The following PKD1L1 variants were observed in gnomAD, a reference collection of about 807,000 sequenced individuals.
The protein encoded by PKD1L1 is polycystin-1-like protein 1.
PKD1L1 carries 236 observed loss-of-function variants against 323.4 expected under a neutral mutation model. The observed-to-expected ratio is 0.73, with a 90% CI of 0.66 to 0.81. The LOEUF (loss-of-function observed/expected upper bound fraction) is 0.81, where lower values mean the gene tolerates loss of function less well. Ranked by LOEUF, PKD1L1 falls within the 40% of genes least tolerant of loss-of-function variation. The pLI, the probability that PKD1L1 is intolerant of heterozygous loss-of-function variation, is 0.00. For missense variants in PKD1L1, 3,320 were observed against 3,508.0 expected (o/e 0.95, Z 1.35); for synonymous variants, 1,344 against 1,335.0 (o/e 1.01, Z -0.15).
chr7:47,838,446 A>C (rs2128737300), intron 36 of PKD1L1, among the ~76,000 whole-genome samples: 1 of 152,370 alleles, frequency 6.6e-6, no homozygotes, highest in East Asian at 1.9e-4. Context: ...CAATGTTGTC[A>C]TTACCATAAT....
chr7:47,775,091 G>A lies in PKD1L1; in HGVS notation c.*52C>T. ...GGATGTCTGCTAAAATTGGCTGTTG[G>A]GTGGGTTAAGCAAAACAGGGTCCAT... On this transcript the variant is annotated 3_prime_UTR_variant, in exon 57 of 57. Transcript: ENST00000289672. The A allele has an allele frequency of 1.3e-6, 2 of 1,593,488 alleles. No individual in the cohort carries two copies. Among genetic ancestry groups the A allele is most frequent in the Non-Finnish European group, 1.7e-6 (2 of 1,168,482 alleles).
At chr7:47,958,780 G>GCCCTCTCCCTCT in the PKD1L1 span, among the ~76,000 whole-genome samples, 4 of 151,808 alleles carry the variant, frequency 2.6e-5, no homozygotes, top group Non-Finnish European at 4.4e-5. Flanking sequence ...ATGGTCAAAA[G>GCCCTCTCCCTCT]CCCTCTCCCT....
chr7:47,918,556 C>G (rs1481572312), intron 7 of PKD1L1, among the ~76,000 whole-genome samples: 1 of 151,934 alleles, frequency 6.6e-6, no homozygotes, highest in Non-Finnish European at 1.5e-5. Context: ...CCAACATACG[C>G]AGAATATACA....
chr7:47,839,831 C>T lies in PKD1L1; in HGVS notation c.5553-169G>A, dbSNP rs1489258437. On this transcript the variant is annotated intron_variant, in intron 35 of 56. Coordinates refer to ENST00000289672, the MANE Select transcript of PKD1L1 (RefSeq NM_138295.5). This position sits in a 1 kb window ranked among gnomAD's most constrained non-coding sequence, Gnocchi z 4.3. ...ACATGTGAAGCCCCCTGGAACCCGG[C>T]CAGAGGATGGGAAATCCCACCGAGC... Among the ~76,000 whole-genome samples the T allele has an allele frequency of 6.6e-6, 1 of 152,146 alleles. No homozygotes were observed. Among genetic ancestry groups the T allele is most frequent in the African/African-American group, 2.4e-5 (1 of 41,428 alleles).
chr7:47,852,817 C>A (rs1785810679), intron 31 of PKD1L1, among the ~76,000 whole-genome samples: 1 of 152,042 alleles, frequency 6.6e-6, no homozygotes, highest in African/African-American at 2.4e-5. Context: ...CAGGAGGGTG[C>A]TTCAGGCAAA....
chr7:47,857,524 T>A, intron 28 of PKD1L1, 81 bp downstream of exon 28: 1 of 1,224,360 alleles, frequency 8.2e-7, no homozygotes, highest in Non-Finnish European at 1.2e-6. Context: ...GCCAACCTAG[T>A]TTCTCTTTTT....
intron 3 of PKD1L1, 42 bp downstream of exon 3, chr7:47,940,151 T>C (rs1264409752): frequency 1.9e-6 from 3 of 1,613,314 alleles, no homozygotes; most frequent in Non-Finnish European, 2.5e-6. Context: ...ACATGTACTG[T>C]ATTCAGGAAG....
In PKD1L1 at chr7:47,936,840, A is replaced by C; in HGVS notation, c.398+6T>G. ...AGCAATATTTCGCCATGGTACATTG[A>C]CATACCTATCAGCACTGTTATCACA... On this transcript the variant is annotated splice_donor_region_variant and intron_variant, in intron 4 of 56. Coordinates refer to ENST00000289672, the MANE Select transcript of PKD1L1 (RefSeq NM_138295.5). The C allele has an allele frequency of 6.3e-7, 1 of 1,592,372 alleles. No individual in the cohort carries two copies. The highest frequency in any genetic ancestry group is 8.6e-7 in the Non-Finnish European group (1 of 1,167,180).
chr7:47,958,662 T>C, the PKD1L1 span, among the ~76,000 whole-genome samples: 1 of 152,216 alleles, frequency 6.6e-6, no homozygotes, highest in African/African-American at 2.4e-5. Context: ...ACCTATAGAA[T>C]GGGAGAAAAT....
At chr7:47,943,145 C>CAAAA (rs142019299) in intron 2 of PKD1L1, among the ~76,000 whole-genome samples, 58 of 88,956 alleles carry the variant, frequency 6.5e-4, no homozygotes, top group South Asian at 1.9e-3. Flanking sequence ...GACTCCGTCT[C>CAAAA]AAAAAAAAAA....
chr7:47,868,552 A>G (rs1182851986), intron 24 of PKD1L1, among the ~76,000 whole-genome samples: 7 of 152,080 alleles, frequency 4.6e-5, no homozygotes, highest in Non-Finnish European at 7.4e-5. Flanking sequence ...CTAAAAATAT[A>G]TTTGTGCTCT....
rs112282305 is a variant in PKD1L1, at chr7:47,849,931, A to G, written c.4961-2860T>C. Among the ~76,000 whole-genome samples, 485 of 152,330 alleles carry G rather than the reference A, an allele frequency of 3.2e-3. 7 individuals carry two copies. The highest frequency in any genetic ancestry group is 0.011 in the African/African-American group (470 of 41,582). On this transcript the variant is annotated intron_variant, in intron 31 of 56. Transcript: ENST00000289672. ...AAGTAACTCAGGAATGGAAAACCAAATATTTTATGTTCTCACTTATAAGTG... is the reference window on the plus strand; with the variant it reads ...AAGTAACTCAGGAATGGAAAACCAAGTATTTTATGTTCTCACTTATAAGTG...
At chr7:47,881,273 T>A (rs9691969) in intron 20 of PKD1L1, among the ~76,000 whole-genome samples, 64,790 of 151,854 alleles carry the variant, frequency 0.43, 14,952 homozygotes, top group African/African-American at 0.6. Flanking sequence ...GGCTGACCTC[T>A]CACTACTTAC....
At chr7:47,869,475 C>T (rs1395912310) in intron 24 of PKD1L1, among the ~76,000 whole-genome samples, 1 of 151,778 alleles carries the variant, frequency 6.6e-6, no homozygotes, top group Non-Finnish European at 1.5e-5. Context: ...TTATATCAGA[C>T]AAAAAAGAAA....
In PKD1L1 at chr7:47,839,566, C is replaced by T. The variant is rs1785527197; in HGVS notation, c.5649G>A (p.Lys1883=). The change falls in exon 36 of 57, where the codon AAG becomes AAA. Residue 1883 remains lysine, a synonymous_variant. Transcript: ENST00000289672. This position sits in a 1 kb window ranked among gnomAD's most constrained non-coding sequence, Gnocchi z 4.3. ...PGWFISHVMV[K]ELHTGQGWFF... ...ACCAGCCCTGTCCCGTGTGCAGCTCCTTCACCATCACGTGGCTGATGAACC... is the reference window on the plus strand; with the variant it reads ...ACCAGCCCTGTCCCGTGTGCAGCTCTTTCACCATCACGTGGCTGATGAACC... 1.9e-5 allele frequency: 31 copies of T among 1,606,368 alleles called. No homozygotes were observed. The highest frequency in any genetic ancestry group is 2.5e-5 in the Non-Finnish European group (30 of 1,176,914).
At chr7:47,830,714 C>T (rs531106452) in intron 42 of PKD1L1, among the ~76,000 whole-genome samples, 1 of 152,246 alleles carries the variant, frequency 6.6e-6, no homozygotes, top group Non-Finnish European at 1.5e-5. Flanking sequence ...GTTTATGAAC[C>T]ACACTGAGTG....
At chr7:47,845,767 G>C (rs1210507406) in intron 32 of PKD1L1, among the ~76,000 whole-genome samples, 1 of 152,116 alleles carries the variant, frequency 6.6e-6, no homozygotes, top group Non-Finnish European at 1.5e-5. Flanking sequence ...TTTTAGTAGA[G>C]ATGGGGTTTC....
Position 47,827,439 on chromosome 7 carries a change from G to T in PKD1L1, c.6765C>A (p.His2255Gln), listed in dbSNP as rs1214344136. 3.7e-6 allele frequency: 6 copies of T among 1,611,772 alleles called. No individual in the cohort carries two copies. Among genetic ancestry groups the T allele is most frequent in the South Asian group, 1.1e-5 (1 of 90,840 alleles). The part of the protein sequence containing the change: ...KVLAARQQAR[H>Q]LRWAHPPSKA... ...TGGATGGTGGATGCGCCCAGCGCAG[G>T]TGGCGAGCTTGTTGTCGGGCAGCCA... is the stretch of plus-strand genomic sequence containing the variant. The change falls in exon 45 of 57, where the codon CAC (histidine) becomes CAA (glutamine). Residue 2255 changes from histidine (H) to glutamine (Q), a missense_variant. Physicochemically the swap from His to Gln is conservative, Grantham distance 24. Transcript: ENST00000289672.
chr7:47,837,541 C>T (rs894251355), intron 36 of PKD1L1, among the ~76,000 whole-genome samples: 3 of 152,150 alleles, frequency 2.0e-5, no homozygotes, highest in Non-Finnish European at 4.4e-5. Flanking sequence ...GACCTTCTCT[C>T]CAGAGCTTCT....
Sources: allele counts gnomAD v4.1 joint callset (sites outside exome capture counted in the v4.1 genomes callset), GRCh38; gene constraint gnomAD v4.1.1; non-coding constraint Gnocchi (gnomAD v3.1); transcripts MANE v1.5; gene names NCBI Gene and HGNC (gene_info 2026-07-23, HGNC 2026-07-21).